PPP2R2B: variants seen among roughly 807,000 people sequenced by gnomAD.
The protein encoded by PPP2R2B is serine/threonine-protein phosphatase 2A 55 kDa regulatory subunit B beta isoform.
PPP2R2B carries 5 observed loss-of-function variants against 46.0 expected under a neutral mutation model. The observed-to-expected ratio is 0.11, with a 90% confidence interval of 0.06 to 0.23. The LOEUF (loss-of-function observed/expected upper bound fraction) is 0.23. Among genes scored for constraint, PPP2R2B ranks in the 10% least tolerant of loss-of-function variants. PPP2R2B has a pLI of 1.00. For synonymous variants in PPP2R2B, 215 were observed against 206.7 expected, an observed-to-expected ratio of 1.04 and a Z score of -0.34; for missense variants, 367 against 575.0, an observed-to-expected ratio of 0.64 and a Z score of 3.70.
chr5:146,824,599 T>A (rs1055450666), intron 2 of PPP2R2B, among the ~76,000 whole-genome samples: 7 of 152,106 alleles, frequency 4.6e-5, no homozygotes, highest in Non-Finnish European at 1.0e-4. Context: ...AAAAGTAGAC[T>A]CATGACACAC....
chr5:146,642,471 C>T (rs1016471670), intron 6 of PPP2R2B, among the ~76,000 whole-genome samples: 2 of 152,094 alleles, frequency 1.3e-5, no homozygotes, highest in Non-Finnish European at 2.9e-5. Flanking sequence ...AGATTGACAA[C>T]TTAAATAAAT....
chr5:146,917,806 CA>C (rs1212040050), intron 1 of PPP2R2B: 1 of 152,166 alleles, frequency 6.6e-6, no homozygotes, highest in Non-Finnish European at 1.5e-5. Context: ...AGAAATGATA[CA>C]TTTTGCTTTC....
At chr5:147,016,981 T>C (rs1180570310) in intron 1 of PPP2R2B, among the ~76,000 whole-genome samples, 1 of 151,524 alleles carries the variant, frequency 6.6e-6, no homozygotes, top group African/African-American at 2.4e-5. Context: ...AGGAGAAACA[T>C]GAAGTATTTT....
chr5:146,652,237 A>G (rs1004722505), intron 5 of PPP2R2B, among the ~76,000 whole-genome samples: 1 of 152,170 alleles, frequency 6.6e-6, no homozygotes, highest in Non-Finnish European at 1.5e-5. Flanking sequence ...CTTGAGCTCA[A>G]TTGCACTGTC....
At chr5:146,679,306 T>A in intron 5 of PPP2R2B, among the ~76,000 whole-genome samples, 1 of 25,744 alleles carries the variant, frequency 3.9e-5, no homozygotes, top group African/African-American at 3.8e-4. Context: ...GGATTCCCTA[T>A]TTAATAAATG....
intron 5 of PPP2R2B, among the ~76,000 whole-genome samples, chr5:146,669,126 G>C (rs1777184298): frequency 6.6e-6 from 1 of 151,992 alleles, no homozygotes; most frequent in Non-Finnish European, 1.5e-5. Context: ...ATCAAATTAT[G>C]GTACCTGACT....
intron 4 of PPP2R2B, among the ~76,000 whole-genome samples, chr5:146,695,192 A>G (rs868411132): frequency 1.3e-5 from 2 of 152,144 alleles, no homozygotes; most frequent in African/African-American, 4.8e-5. Flanking sequence ...TTAAGAAACA[A>G]ACAAATTTAT....
At chr5:146,794,498 C>A (rs115806064) in intron 2 of PPP2R2B, among the ~76,000 whole-genome samples, 1 of 152,128 alleles carries the variant, frequency 6.6e-6, no homozygotes, top group African/African-American at 2.4e-5. Context: ...CAATAAACTG[C>A]CACAGCAGAG....
intron 2 of PPP2R2B, among the ~76,000 whole-genome samples, chr5:146,761,903 G>T (rs1443748147): frequency 6.6e-6 from 1 of 152,122 alleles, no homozygotes; most frequent in Non-Finnish European, 1.5e-5. Flanking sequence ...TAGGATGTTT[G>T]TCAGATAGCA....
In PPP2R2B at chr5:146,885,644, G is replaced by A. The variant is rs948950600; in HGVS notation, c.79+170021C>T. On this transcript the variant is annotated intron_variant, in intron 1 of 8. Transcript: ENST00000336640. ...ATATATTGAAGAGAATTAAAAGCAC[G>A]TGTTCCCACCAAAACTTGAACACAA... Among the ~76,000 whole-genome samples the A allele has an allele frequency of 3.3e-5, 5 of 152,278 alleles. No individual in the cohort carries two copies. The South Asian group carries it at 6.2e-4, about 19-fold the overall frequency.
chr5:146,600,928 C>T (rs573897554), intron 7 of PPP2R2B, among the ~76,000 whole-genome samples: 1 of 152,314 alleles, frequency 6.6e-6, no homozygotes, highest in Non-Finnish European at 1.5e-5. Context: ...CCCCCAAAAA[C>T]TCCATATCCA....
At chr5:146,912,606 G>A (rs376430134) in intron 1 of PPP2R2B, among the ~76,000 whole-genome samples, 45 of 151,624 alleles carry the variant, frequency 3.0e-4, no homozygotes, top group African/African-American at 9.9e-4. Context: ...CTGGGTTCAA[G>A]CAATTCTCCT....
intron 1 of PPP2R2B, among the ~76,000 whole-genome samples, chr5:146,972,060 T>C (rs1183550125): frequency 6.6e-6 from 1 of 152,194 alleles, no homozygotes; most frequent in Non-Finnish European, 1.5e-5. Context: ...AGTCATCTTG[T>C]CTCCTTAGTC....
At chr5:146,749,242 T>C (rs779407455) in intron 2 of PPP2R2B, among the ~76,000 whole-genome samples, 2 of 152,238 alleles carry the variant, frequency 1.3e-5, no homozygotes, top group African/African-American at 4.8e-5. Flanking sequence ...CATTTTCTAA[T>C]TGCATTTTTT....
intron 2 of PPP2R2B, among the ~76,000 whole-genome samples, chr5:147,070,039 T>C (rs1379802014): frequency 1.3e-5 from 2 of 152,092 alleles, no homozygotes; most frequent in East Asian, 3.9e-4. Context: ...TCTGCCTGCC[T>C]CGGCCTCCCA....
chr5:146,749,609 T>TTC lies in PPP2R2B; in HGVS notation c.71-48468_71-48467insGA, dbSNP rs1317414660. On this transcript the variant is annotated intron_variant, in intron 2 of 9. Transcript: ENST00000394411. Reference sequence around the variant, plus strand: ...TTTCCTTTTTTTCTTTTCTTTTCTTTTTTTTTTTTTTTTTTTTCGAGATGG... The same window carrying TTC: ...TTTCCTTTTTTTCTTTTCTTTTCTTTTCTTTTTTTTTTTTTTTTTCGAGATGG... Among the ~76,000 whole-genome samples the TTC allele has an allele frequency of 1.2e-3, 174 of 145,468 alleles. 1 individual carries two copies. The highest frequency in any genetic ancestry group is 2.1e-3 in the Admixed American group (31 of 14,618).
chr5:146,937,072 C>T (rs934545842), intron 1 of PPP2R2B, among the ~76,000 whole-genome samples: 3 of 152,014 alleles, frequency 2.0e-5, no homozygotes, highest in African/African-American at 7.2e-5. Flanking sequence ...GAAGCCAAGG[C>T]GGGCGGATGA....
chr5:146,905,482 G>T (rs1163704782), intron 1 of PPP2R2B, among the ~76,000 whole-genome samples: 1 of 152,084 alleles, frequency 6.6e-6, no homozygotes, highest in Non-Finnish European at 1.5e-5. Context: ...GGCCTCCAGT[G>T]ATCCTCCAGC....
At chr5:146,955,961 T>A (rs1027954259) in intron 1 of PPP2R2B, among the ~76,000 whole-genome samples, 20 of 151,660 alleles carry the variant, frequency 1.3e-4, no homozygotes, top group Admixed American at 1.3e-3. Context: ...GTAATTTTAA[T>A]AGAGATGGGG....
Sources: allele counts gnomAD v4.1 joint callset (sites outside exome capture counted in the v4.1 genomes callset), GRCh38; gene constraint gnomAD v4.1.1; transcripts MANE v1.5; gene names NCBI Gene and HGNC (gene_info 2026-07-23, HGNC 2026-07-21).